Variants in PRDM9 observed in about 807,000 individuals in gnomAD.
PRDM9 encodes PR/SET domain 9.
Under a neutral mutation model 55.6 loss-of-function variants are expected in PRDM9, and 47 were observed. The ratio of observed to expected loss-of-function variants is 0.85; its 90% confidence interval spans 0.67 to 1.08. The LOEUF (loss-of-function observed/expected upper bound fraction) is 1.08. Ranked by LOEUF, PRDM9 falls within the 50% of genes least tolerant of loss-of-function variation. The pLI, the probability that PRDM9 is intolerant of heterozygous loss-of-function variation, is 0.00. For missense variants in PRDM9, 867 were observed against 1,040.3 expected (o/e 0.83, Z 2.29); for synonymous variants, 312 against 375.7 (o/e 0.83, Z 1.96).
chr5:23,521,155 G>C lies in PRDM9; in HGVS notation c.484G>C (p.Gly162Arg), dbSNP rs765683731. Reference protein sequence around the residue: ...VSPSGEASTSGQHSRLKLELR... With the variant: ...VSPSGEASTSRQHSRLKLELR... ...CCCTTCTGGAGAAGCAAGTACCTCT[G>C]GACAGCACTCAAGACTAAAACTGGG... The change falls in exon 6 of 11, where the codon GGA becomes CGA. Residue 162 changes from glycine (G) to arginine (R), a missense_variant. By Grantham distance (125) the Gly-to-Arg change is moderately radical. This residue lies in a region of PRDM9 where 662 missense variants were observed against 711.9 expected (regional missense o/e 0.93). Coordinates refer to ENST00000296682, the MANE Select transcript of PRDM9 (RefSeq NM_020227.4). The C allele has an allele frequency of 1.2e-6, 2 of 1,613,586 alleles. No individual in the cohort carries two copies.
rs763308508 is a variant in PRDM9, at chr5:23,524,416, C to T, written c.1033C>T (p.Arg345Ter). 30 of 1,613,864 alleles carry T rather than the reference C, an allele frequency of 1.9e-5. 1 individual carries two copies. The highest frequency in any genetic ancestry group is 4.5e-5 in the East Asian group (2 of 44,862). ...YHRQIFYRTC[R>*]VIRPGCELLV... Reference sequence around the variant, plus strand: ...CAGGCAGATCTTCTATAGAACCTGCCGAGTCATTAGGCCAGGCTGTGAACT... The same window carrying T: ...CAGGCAGATCTTCTATAGAACCTGCTGAGTCATTAGGCCAGGCTGTGAACT... Residue 345 changes from arginine (R) to a stop codon, truncating the protein, a stop_gained, in exon 10 of 11, where the codon CGA becomes TGA. Coordinates refer to ENST00000296682, the MANE Select transcript of PRDM9 (RefSeq NM_020227.4). LOFTEE classifies it high-confidence loss of function.
chr5:23,514,989 G>C (rs754513133), intron 4 of PRDM9, among the ~76,000 whole-genome samples: 45 of 146,938 alleles, frequency 3.1e-4, no homozygotes, highest in Middle Eastern at 3.6e-3. Flanking sequence ...TTGAGACAGA[G>C]TTTCGCTCCT....
intron 4 of PRDM9, among the ~76,000 whole-genome samples, chr5:23,512,325 A>G (rs1268626193): frequency 6.6e-6 from 1 of 152,138 alleles, no homozygotes; most frequent in Non-Finnish European, 1.5e-5. Context: ...AGAAGTGTGA[A>G]GCTCATTTCC....
intron 5 of PRDM9, among the ~76,000 whole-genome samples, chr5:23,519,918 C>A (rs557746403): frequency 2.0e-5 from 3 of 151,550 alleles, no homozygotes; most frequent in Non-Finnish European, 4.4e-5. Context: ...GTGGTGGACA[C>A]CTGTAATCCC....
At chr5:23,517,402 A>C (rs565661155) in intron 4 of PRDM9, among the ~76,000 whole-genome samples, 8 of 152,282 alleles carry the variant, frequency 5.3e-5, no homozygotes, top group African/African-American at 1.7e-4. Context: ...ATAGGCCTTA[A>C]TGATACTTCA....
In PRDM9 at chr5:23,523,351, T is replaced by A; in HGVS notation, c.943T>A (p.Trp315Arg). 1 of 1,612,826 alleles carries A rather than the reference T, an allele frequency of 6.2e-7. No individual in the cohort carries two copies. The highest frequency in any genetic ancestry group is 8.5e-7 in the Non-Finnish European group (1 of 1,178,820). ...VDGKDKSWAN[W>R]MRYVNCARDD... Reference sequence around the variant, plus strand: ...TGGAAAAGATAAATCCTGGGCCAACTGGATGAGGTAAGGCCAGTAGCTCTC... The same window carrying A: ...TGGAAAAGATAAATCCTGGGCCAACAGGATGAGGTAAGGCCAGTAGCTCTC... Residue 315 changes from tryptophan to arginine, a missense_variant, in exon 9 of 11, where the codon TGG (tryptophan) becomes AGG (arginine). Coordinates refer to ENST00000296682, the MANE Select transcript of PRDM9 (RefSeq NM_020227.4).
In PRDM9 at chr5:23,527,979, G is replaced by C. The variant is rs1739515101; in HGVS notation, c.*206G>C. The C allele has an allele frequency of 2.8e-6, 2 of 727,008 alleles. No individual in the cohort carries two copies. Among genetic ancestry groups the C allele is most frequent in the Non-Finnish European group, 4.6e-6 (2 of 437,698 alleles). 45.0% of individuals were successfully genotyped at this position (727,008 alleles called of 1,614,324 possible). A position where few individuals can be genotyped will look rare whatever the true frequency, so the allele number is the denominator to read the frequency against. The stretch of plus-strand genomic sequence containing the variant: ...ATGAGGAAGAACAAGGGATAGTTCT[G>C]TAAGTGTTCGGGGGACATCAGCATG... On this transcript the variant is annotated 3_prime_UTR_variant, in exon 11 of 11. Coordinates refer to ENST00000296682, the MANE Select transcript of PRDM9 (RefSeq NM_020227.4).
chr5:23,509,149 T>C (rs1331974258), intron 2 of PRDM9, 47 bp downstream of exon 2: 2 of 1,607,394 alleles, frequency 1.2e-6, no homozygotes, highest in South Asian at 2.2e-5. Context: ...GGAGCTGATC[T>C]CTGGAGTGCT....
intron 1 of PRDM9, among the ~76,000 whole-genome samples, chr5:23,508,201 T>C (rs1277320342): frequency 3.3e-5 from 5 of 152,040 alleles, no homozygotes; most frequent in Non-Finnish European, 7.4e-5. Flanking sequence ...AATCCTTTCA[T>C]CCTGAGGAAC....
At chr5:23,510,221 A>AT (rs1447574854) in intron 4 of PRDM9, among the ~76,000 whole-genome samples, 194 bp downstream of exon 4, 3 of 151,634 alleles carry the variant, frequency 2.0e-5, no homozygotes, top group Non-Finnish European at 4.4e-5. Flanking sequence ...CGCCCAGCTA[A>AT]TTTTTTGTAA....
In PRDM9 at chr5:23,527,760, G is replaced by A; in HGVS notation, c.2672G>A (p.Arg891Lys). 1 of 1,614,084 alleles carries A rather than the reference G, an allele frequency of 6.2e-7. No homozygotes were observed. Among genetic ancestry groups the A allele is most frequent in the South Asian group, 1.1e-5 (1 of 91,074 alleles). ...ACAGGGGAGAAGCCCTACGTCTGCA[G>A]GGAGGATGAGTAAGTCATTAGTAAT... ...THTGEKPYVC[R>K]EDE Residue 891 changes from arginine to lysine, a missense_variant, in exon 11 of 11, where the codon AGG (arginine) becomes AAG (lysine). Physicochemically the swap from Arg to Lys is conservative, Grantham distance 26. Coordinates refer to ENST00000296682, the MANE Select transcript of PRDM9 (RefSeq NM_020227.4).
intron 4 of PRDM9, among the ~76,000 whole-genome samples, chr5:23,510,541 A>G (rs1449148340): frequency 6.6e-6 from 1 of 151,170 alleles, no homozygotes; most frequent in African/African-American, 2.4e-5. Context: ...TATTTTTTGT[A>G]GAGATGGGGT....
Position 23,526,611 on chromosome 5 carries a change from A to T in PRDM9, c.1523A>T (p.Asn508Ile). The T allele has an allele frequency of 1.9e-6, 3 of 1,614,240 alleles. No homozygotes were observed. The highest frequency in any genetic ancestry group is 1.7e-6 in the Non-Finnish European group (2 of 1,180,050). The change falls in exon 11 of 11, where the codon AAC becomes ATC. Residue 508 changes from asparagine (N) to isoleucine (I), a missense_variant. By Grantham distance (149) the Asn-to-Ile change is moderately radical. Around this residue, in one of 5 missense-constraint regions of PRDM9, gnomAD observed 662 missense variants for 711.9 expected, o/e 0.93. Transcript: ENST00000296682. ...ACAGGCCAGAAAGTGAATCCAGGGA[A>T]CACAGGCAAATTATTTGTGGGGGTA... Reference protein sequence around the residue: ...SRTGQKVNPGNTGKLFVGVGI... With the variant: ...SRTGQKVNPGITGKLFVGVGI...
At position 23,509,901 on chromosome 5, in the gene PRDM9, A is replaced by C; in HGVS notation, c.194-19A>C. 6.2e-7 allele frequency: 1 copy of C among 1,613,872 alleles called. No individual in the cohort carries two copies. Among genetic ancestry groups the C allele is most frequent in the Non-Finnish European group, 8.5e-7 (1 of 1,179,936 alleles). ...TCCCAGCTCTTCCATTTTAGAACAAAATTTTTGCTTCTTTTCAGGTCTCAG... is the reference window on the plus strand; with the variant it reads ...TCCCAGCTCTTCCATTTTAGAACAACATTTTTGCTTCTTTTCAGGTCTCAG... On this transcript the variant is annotated intron_variant, in intron 3 of 10. Transcript: ENST00000296682.
intron 4 of PRDM9, among the ~76,000 whole-genome samples, chr5:23,511,083 G>A (rs964369422): frequency 6.6e-6 from 1 of 151,896 alleles, no homozygotes; most frequent in African/African-American, 2.4e-5. Context: ...TTGAACCCAT[G>A]AGGCAGAGGT....
chr5:23,526,583 A>G lies in PRDM9; in HGVS notation c.1495A>G (p.Arg499Gly), dbSNP rs549095564. Residue 499 changes from arginine to glycine, a missense_variant, in exon 11 of 11, where the codon AGA becomes GGA. Physicochemically the swap from Arg to Gly is moderately radical, Grantham distance 125 (BLOSUM62 -2). Transcript: ENST00000296682. ...VGKRIMEEES[R>G]TGQKVNPGNT... ...AAAAAGAATAATGGAAGAAGAGTCCAGAACAGGCCAGAAAGTGAATCCAGG... is the reference window on the plus strand; with the variant it reads ...AAAAAGAATAATGGAAGAAGAGTCCGGAACAGGCCAGAAAGTGAATCCAGG... The G allele has an allele frequency of 1.6e-5, 26 of 1,614,224 alleles. No homozygotes were observed. The highest frequency in any genetic ancestry group is 1.7e-5 in the Admixed American group (1 of 60,036).
Position 23,526,640 on chromosome 5 carries a change from A to G in PRDM9, c.1552A>G (p.Ile518Val). The G allele has an allele frequency of 6.2e-7, 1 of 1,614,244 alleles. No individual in the cohort carries two copies. The highest frequency in any genetic ancestry group is 8.5e-7 in the Non-Finnish European group (1 of 1,180,050). The change falls in exon 11 of 11, where the codon ATC becomes GTC. Residue 518 changes from isoleucine (I) to valine (V), a missense_variant. Around this residue, in one of 5 missense-constraint regions of PRDM9, gnomAD observed 662 missense variants for 711.9 expected, o/e 0.93. Transcript: ENST00000296682. ...NTGKLFVGVG[I>V]SRIAKVKYGE... is the part of the protein sequence containing the mutation. The stretch of plus-strand genomic sequence containing the variant: ...AGGCAAATTATTTGTGGGGGTAGGA[A>G]TCTCAAGAATTGCAAAAGTCAAGTA...
chr5:23,509,588 C>G lies in PRDM9; in HGVS notation c.188C>G (p.Thr63Ser). The G allele has an allele frequency of 3.7e-6, 6 of 1,614,160 alleles. No homozygotes were observed. The highest frequency in any genetic ancestry group is 5.1e-6 in the Non-Finnish European group (6 of 1,180,038). The change falls in exon 3 of 11, where the codon ACT (threonine) becomes AGT (serine). Residue 63 changes from threonine (T) to serine (S), a missense_variant. Coordinates refer to ENST00000296682, the MANE Select transcript of PRDM9 (RefSeq NM_020227.4). ...AAAAGGAACTATAATGCACTGATTA[C>G]TATAGGTAACAGGAAGTGCTGGGCA... Reference protein sequence around the residue: ...NVKRNYNALITIGLRATRPAF... With the variant: ...NVKRNYNALISIGLRATRPAF...
At chr5:23,513,427 A>T (rs1408228584) in intron 4 of PRDM9, among the ~76,000 whole-genome samples, 1 of 152,084 alleles carries the variant, frequency 6.6e-6, no homozygotes, top group Non-Finnish European at 1.5e-5. Context: ...GATGAAAAGG[A>T]TGAGTTGGGC....
Sources: gnomAD v4.1 joint callset for allele counts (sites outside exome capture counted in the v4.1 genomes callset) on GRCh38, gnomAD v4.1.1 for gene constraint, gnomAD v4.1.1 regional missense constraint, MANE v1.5 for transcripts, NCBI Gene and HGNC (gene_info 2026-07-23, HGNC 2026-07-21) for gene names.